UBALD2: variants seen among roughly 807,000 people sequenced by gnomAD.
UBALD2 encodes UBA-like domain-containing protein 2.
In UBALD2, 8 loss-of-function variants were observed where a neutral mutation model predicts 15.9. The ratio of observed to expected loss-of-function variants is 0.50; its 90% CI spans 0.29 to 0.91. The LOEUF is 0.91. UBALD2 is among the 40% of genes least tolerant of loss of function. The pLI is 0.07. For synonymous variants in UBALD2, 113 were observed against 97.7 expected, an observed-to-expected ratio of 1.16 and a Z score of -0.93; for missense variants, 178 against 234.8, an observed-to-expected ratio of 0.76 and a Z score of 1.58.
intron 2 of UBALD2, among the ~76,000 whole-genome samples, chr17:76,267,275 G>C (rs541619401): frequency 6.6e-6 from 1 of 152,126 alleles, no homozygotes; most frequent in Admixed American, 6.5e-5. Flanking sequence ...GAACAGGGAG[G>C]CTCCCCAGGA....
intron 2 of UBALD2, among the ~76,000 whole-genome samples, chr17:76,268,737 T>G (rs1568096702): frequency 6.7e-6 from 1 of 149,484 alleles, no homozygotes; most frequent in African/African-American, 2.5e-5. Context: ...CTCTGTTTTT[T>G]TTTTTTTTTT....
chr17:76,270,329 G>A lies in UBALD2; in HGVS notation c.319G>A (p.Ala107Thr). ...GACAGCCGCAGCCTGCTCCCCACCTGCAAACTTCAGCCCCTTCTGGGCCTC... is the reference window on the plus strand; with the variant it reads ...GACAGCCGCAGCCTGCTCCCCACCTACAAACTTCAGCCCCTTCTGGGCCTC... Reference protein sequence around the residue: ...PMTAAACSPPANFSPFWASSP... With the variant: ...PMTAAACSPPTNFSPFWASSP... The change falls in exon 3 of 3, where the codon GCA (alanine) becomes ACA (threonine). Residue 107 changes from alanine (A) to threonine (T), a missense_variant. Coordinates refer to ENST00000327490, the MANE Select transcript of UBALD2 (RefSeq NM_182565.4). 1.2e-6 allele frequency: 2 copies of A among 1,605,580 alleles called. No individual in the cohort carries two copies. Among genetic ancestry groups the A allele is most frequent in the Non-Finnish European group, 1.7e-6 (2 of 1,178,236 alleles).
intron 2 of UBALD2, among the ~76,000 whole-genome samples, chr17:76,267,844 A>T (rs2070556417): frequency 6.6e-6 from 1 of 151,518 alleles, no homozygotes; most frequent in Admixed American, 6.6e-5. Context: ...TTTTTAGTAG[A>T]GACGGGGTTT....
At chr17:76,266,101 G>C (rs1196081610) in intron 2 of UBALD2, 132 bp downstream of exon 2, 8 of 1,226,566 alleles carry the variant, frequency 6.5e-6, no homozygotes, top group Non-Finnish European at 9.0e-6. Flanking sequence ...AGCGGCTCCC[G>C]GGCCGGCGCT....
At chr17:76,268,487 G>C (rs1440283394) in intron 2 of UBALD2, among the ~76,000 whole-genome samples, 1 of 121,314 alleles carries the variant, frequency 8.2e-6, no homozygotes, top group African/African-American at 4.2e-5. Context: ...TCCCCAGAGG[G>C]TGGGGGGGGG....
rs1241238665 is a variant in UBALD2 at position 76,270,715 on chromosome 17, C to T, written c.*210C>T. On this transcript the variant is annotated 3_prime_UTR_variant, in exon 3 of 3. Transcript: ENST00000327490. ...CAGGAGTTTTTCAGGCAAGTTTTTCCTCTGTTTTTAATATATAACTATAAT... is the reference window on the plus strand; with the variant it reads ...CAGGAGTTTTTCAGGCAAGTTTTTCTTCTGTTTTTAATATATAACTATAAT... The T allele has an allele frequency of 4.2e-6, 2 of 478,932 alleles. No homozygotes were observed. Among genetic ancestry groups the T allele is most frequent in the East Asian group, 3.5e-5 (1 of 28,658 alleles). The allele number at this position is 478,932 out of a possible 1,614,324, so 29.7% of individuals were successfully genotyped here.
Position 76,270,679 on chromosome 17 carries a change from C to T in UBALD2, c.*174C>T, listed in dbSNP as rs910651950. The T allele has an allele frequency of 4.8e-5, 26 of 540,300 alleles. No homozygotes were observed. The highest frequency in any genetic ancestry group is 3.5e-5 in the South Asian group (1 of 28,666). 33.5% of individuals were successfully genotyped at this position (540,300 alleles called of 1,614,324 possible). On this transcript the variant is annotated 3_prime_UTR_variant, in exon 3 of 3. Transcript: ENST00000327490. Reference sequence around the variant, plus strand: ...GGGGGACAGTAAACTTCCTGGGCCACGTGGGTCCTTCAGGAGTTTTTCAGG... The same window carrying T: ...GGGGGACAGTAAACTTCCTGGGCCATGTGGGTCCTTCAGGAGTTTTTCAGG...
At position 76,269,798 on chromosome 17, in the gene UBALD2, G is replaced by A. The variant is rs1183088041; in HGVS notation, c.184-396G>A. ...GCCGCTCTCCCTTGCCTAGCAGCCT[G>A]GGAGCATCTGAGGGTGGCTGGTGGG... is the stretch of plus-strand genomic sequence containing the variant. On this transcript the variant is annotated intron_variant, in intron 2 of 2. Transcript: ENST00000327490. This position sits in a 1 kb window ranked among gnomAD's most constrained non-coding sequence, Gnocchi z 4.6. 6.6e-6 allele frequency among the ~76,000 whole-genome samples: 1 copy of A among 152,152 alleles called. No individual in the cohort carries two copies. The highest frequency in any genetic ancestry group is 1.5e-5 in the Non-Finnish European group (1 of 68,020).
At position 76,265,909 on chromosome 17, in the gene UBALD2, C is replaced by G; in HGVS notation, c.123C>G (p.Thr41=). The change falls in exon 2 of 3, where the codon ACC becomes ACG. Residue 41 remains threonine, a splice_region_variant and synonymous_variant. Coordinates refer to ENST00000327490, the MANE Select transcript of UBALD2 (RefSeq NM_182565.4). ...GTCACTGCCCTGTTTGTCCGCAGACCGCGCTGAGCACGTTCTTCCAAGAAA... is the reference window on the plus strand; with the variant it reads ...GTCACTGCCCTGTTTGTCCGCAGACGGCGCTGAGCACGTTCTTCCAAGAAA... ...LLQAAHWQFE[T]ALSTFFQETN... 1 of 1,604,624 alleles carries G rather than the reference C, an allele frequency of 6.2e-7. No individual in the cohort carries two copies. Among genetic ancestry groups the G allele is most frequent in the Non-Finnish European group, 8.5e-7 (1 of 1,176,150 alleles).
At position 76,271,140 on chromosome 17, in the gene UBALD2, CA is replaced by C. The variant is rs141852367; in HGVS notation, c.*636del. On this transcript the variant is annotated 3_prime_UTR_variant, in exon 3 of 3. Coordinates refer to ENST00000327490, the MANE Select transcript of UBALD2 (RefSeq NM_182565.4). ...CTTTGGTCAAAGGCCAGGCTCTGCCCAGCAGGGGACTTGACTGCCCTGGGCG... is the reference window on the plus strand; with the variant it reads ...CTTTGGTCAAAGGCCAGGCTCTGCCCGCAGGGGACTTGACTGCCCTGGGCG... The C allele has an allele frequency of 0.12, 18,371 of 148,972 alleles. 2,841 individuals are homozygous for C. The highest frequency in any genetic ancestry group is 0.36 in the African/African-American group (15,081 of 41,382). 9.2% of individuals were successfully genotyped at this position (148,972 alleles called of 1,614,324 possible). A position where few individuals can be genotyped will look rare whatever the true frequency, so the allele number is the denominator to read the frequency against.
At position 76,270,598 on chromosome 17, in the gene UBALD2, AG is replaced by A; in HGVS notation, c.*98del. On this transcript the variant is annotated 3_prime_UTR_variant, in exon 3 of 3. Coordinates refer to ENST00000327490, the MANE Select transcript of UBALD2 (RefSeq NM_182565.4). ...CAGGGAGGGGGGAGCCGGGGAGGGC[AG>A]GGGGTTTCCCGAAGATCGCACTGGA... The A allele has an allele frequency of 1.8e-6, 2 of 1,101,770 alleles. No individual in the cohort carries two copies. Among genetic ancestry groups the A allele is most frequent in the Non-Finnish European group, 2.4e-6 (2 of 822,508 alleles). 68.2% of individuals were successfully genotyped at this position (1,101,770 alleles called of 1,614,324 possible). A position where few individuals can be genotyped will look rare whatever the true frequency, so the allele number is the denominator to read the frequency against.
chr17:76,268,411 G>A (rs948949069), intron 2 of UBALD2, among the ~76,000 whole-genome samples: 1 of 151,960 alleles, frequency 6.6e-6, no homozygotes, highest in African/African-American at 2.4e-5. Context: ...AGTCGGTCAC[G>A]ATGCTGTGAT....
rs1047248346 is a variant in UBALD2, at chr17:76,270,603, G to A, written c.*98G>A. 3 of 1,137,208 alleles carry A rather than the reference G, an allele frequency of 2.6e-6. No homozygotes were observed. Among genetic ancestry groups the A allele is most frequent in the Non-Finnish European group, 2.3e-6 (2 of 855,344 alleles). 70.4% of individuals were successfully genotyped at this position (1,137,208 alleles called of 1,614,324 possible). A position where few individuals can be genotyped will look rare whatever the true frequency, so the allele number is the denominator to read the frequency against. On this transcript the variant is annotated 3_prime_UTR_variant, in exon 3 of 3. Coordinates refer to ENST00000327490, the MANE Select transcript of UBALD2 (RefSeq NM_182565.4). ...AGGGGGGAGCCGGGGAGGGCAGGGGGTTTCCCGAAGATCGCACTGGAAGAT... is the reference window on the plus strand; with the variant it reads ...AGGGGGGAGCCGGGGAGGGCAGGGGATTTCCCGAAGATCGCACTGGAAGAT...
chr17:76,270,388 G>T lies in UBALD2; in HGVS notation c.378G>T (p.Pro126=). Reference sequence around the variant, plus strand: ...CCAGCCACCAGGCGCCCTGGATCCCGCCCTCCTCCCCCACCACCTTCCACC... The same window carrying T: ...CCAGCCACCAGGCGCCCTGGATCCCTCCCTCCTCCCCCACCACCTTCCACC... ...SPPSHQAPWI[P]PSSPTTFHHL... Residue 126 remains proline (P), a synonymous_variant, in exon 3 of 3, where the codon CCG becomes CCT. Transcript: ENST00000327490. 1.5e-6 allele frequency: 1 copy of T among 662,804 alleles called. No homozygotes were observed. 41.1% of individuals were successfully genotyped at this position (662,804 alleles called of 1,614,324 possible).
chr17:76,267,977 A>G (rs897970399), intron 2 of UBALD2, among the ~76,000 whole-genome samples: 4 of 152,224 alleles, frequency 2.6e-5, no homozygotes, highest in African/African-American at 9.7e-5. Flanking sequence ...TATTTTGGAC[A>G]AAGTAAGTCA....
intron 2 of UBALD2, 54 bp downstream of exon 2, chr17:76,266,023 A>T: frequency 1.3e-6 from 2 of 1,528,590 alleles, no homozygotes; most frequent in South Asian, 2.4e-5. Context: ...CGCGGCGGTG[A>T]CAGCCATGTT....
chr17:76,270,280 C>T lies in UBALD2; in HGVS notation c.270C>T (p.Gly90=), dbSNP rs138365254. 4.8e-5 allele frequency: 78 copies of T among 1,611,904 alleles called. 1 individual carries two copies. The African/African-American group carries it at 9.2e-4, about 19-fold the overall frequency. ...TCTCCAAGCTCCGCGCCTCCGAGGGCCTGCAGAGCAGCAACAGCCCCATGA... is the reference window on the plus strand; with the variant it reads ...TCTCCAAGCTCCGCGCCTCCGAGGGTCTGCAGAGCAGCAACAGCCCCATGA... ...AMFSKLRASE[G]LQSSNSPMTA... The change falls in exon 3 of 3, where the codon GGC becomes GGT. Residue 90 remains glycine (G), a synonymous_variant. Coordinates refer to ENST00000327490, the MANE Select transcript of UBALD2 (RefSeq NM_182565.4).
rs1309934545 is a variant in UBALD2 at position 76,270,116 on chromosome 17, G to A, written c.184-78G>A. ...AGCTGAAAAATGGGAGTAAAGGAGCGGCTGGCCTGGGTAAGCCCCATCCAG... is the reference window on the plus strand; with the variant it reads ...AGCTGAAAAATGGGAGTAAAGGAGCAGCTGGCCTGGGTAAGCCCCATCCAG... On this transcript the variant is annotated intron_variant, in intron 2 of 2. Coordinates refer to ENST00000327490, the MANE Select transcript of UBALD2 (RefSeq NM_182565.4). The A allele has an allele frequency of 5.2e-5, 75 of 1,447,862 alleles. No homozygotes were observed. The East Asian group carries it at 1.6e-3, about 31-fold the overall frequency. 89.7% of individuals were successfully genotyped at this position (1,447,862 alleles called of 1,614,324 possible).
rs765820087 is a variant in UBALD2 at position 76,266,018 on chromosome 17, C to G, written c.183+49C>G. The G allele has an allele frequency of 1.8e-5, 27 of 1,533,768 alleles. No homozygotes were observed. In the Middle Eastern group the frequency reaches 5.1e-4, roughly 29 times the overall value. On this transcript the variant is annotated intron_variant, in intron 2 of 2. Transcript: ENST00000327490. The stretch of plus-strand genomic sequence containing the variant: ...CGGGCCGGGGCCGCTGTCAGCGCGG[C>G]GGTGACAGCCATGTTGCCGGGGAGC...
Sources: gnomAD v4.1 joint callset for allele counts (sites outside exome capture counted in the v4.1 genomes callset) on GRCh38, gnomAD v4.1.1 for gene constraint, Gnocchi (gnomAD v3.1) non-coding constraint, MANE v1.5 for transcripts, NCBI Gene and HGNC (gene_info 2026-07-23, HGNC 2026-07-21) for gene names.